ADAMTS9: variants seen among roughly 807,000 people sequenced by gnomAD.
ADAMTS9 encodes ADAM metallopeptidase with thrombospondin type 1 motif 9, also known as A disintegrin and metalloproteinase with thrombospondin motifs 9.
Under a neutral mutation model 257.1 loss-of-function variants are expected in ADAMTS9, and 107 were observed. That is an observed-to-expected ratio of 0.42 (90% confidence interval 0.36 to 0.49). The LOEUF is 0.49. Ranked by LOEUF, ADAMTS9 falls within the 20% of genes least tolerant of loss-of-function variation. The pLI, the probability that ADAMTS9 is intolerant of heterozygous loss-of-function variation, is 0.03. For missense variants in ADAMTS9, 2,353 were observed against 2,469.1 expected, an observed-to-expected ratio of 0.95 and a Z score of 1.00; for synonymous variants, 982 against 880.9, an observed-to-expected ratio of 1.11 and a Z score of -2.03.
At chr3:64,531,039 T>G (rs1386967581) in intron 38 of ADAMTS9, among the ~76,000 whole-genome samples, 1 of 152,244 alleles carries the variant, frequency 6.6e-6, no homozygotes, top group Non-Finnish European at 1.5e-5. Flanking sequence ...GCTATCTTTA[T>G]TCCTTTCAGT....
At chr3:64,683,117 G>A (rs1156268024) in intron 2 of ADAMTS9, among the ~76,000 whole-genome samples, 1 of 152,200 alleles carries the variant, frequency 6.6e-6, no homozygotes. Context: ...CTCTGCCTGT[G>A]TTCAATACAC....
chr3:64,584,031 G>A (rs1248097258), intron 28 of ADAMTS9: 1 of 152,138 alleles, frequency 6.6e-6, no homozygotes, highest in Non-Finnish European at 1.5e-5. Flanking sequence ...TGTTACGTCT[G>A]ATTCAAAGAC....
chr3:64,545,953 G>A (rs1270161296), intron 32 of ADAMTS9, among the ~76,000 whole-genome samples: 2 of 152,104 alleles, frequency 1.3e-5, no homozygotes, highest in African/African-American at 4.8e-5. Flanking sequence ...GGCTGTGACA[G>A]TCTTCCAGGG....
intron 28 of ADAMTS9, among the ~76,000 whole-genome samples, chr3:64,590,778 T>A (rs1020582264): frequency 6.6e-6 from 1 of 152,166 alleles, no homozygotes; most frequent in South Asian, 2.1e-4. Context: ...ATTATTCCAA[T>A]GCACCTAAAG....
At chr3:64,660,659 T>G (rs774934603) in intron 3 of ADAMTS9, among the ~76,000 whole-genome samples, 5 of 152,178 alleles carry the variant, frequency 3.3e-5, no homozygotes, top group Non-Finnish European at 7.4e-5. Flanking sequence ...AGATCGACTG[T>G]CAAGGTATTG....
chr3:64,635,352 G>A (rs1425258480), intron 12 of ADAMTS9, among the ~76,000 whole-genome samples: 5 of 152,192 alleles, frequency 3.3e-5, no homozygotes, highest in African/African-American at 1.2e-4. Context: ...ATGTAAAACA[G>A]AGACGATGCT....
chr3:64,569,522 C>T (rs2083625619), intron 28 of ADAMTS9, among the ~76,000 whole-genome samples: 1 of 152,216 alleles, frequency 6.6e-6, no homozygotes, highest in South Asian at 2.1e-4. Context: ...ATTTCCCCCA[C>T]TAACTTTGTG....
At chr3:64,651,402 C>A (rs1014086277) in intron 8 of ADAMTS9, among the ~76,000 whole-genome samples, 2 of 152,144 alleles carry the variant, frequency 1.3e-5, no homozygotes, top group South Asian at 2.1e-4. Flanking sequence ...TTAAAAGATG[C>A]AGGCTGGCCC....
intron 18 of ADAMTS9, 92 bp from the exon 19 acceptor site, chr3:64,621,332 G>A (rs1297929027): frequency 1.2e-5 from 16 of 1,386,352 alleles, no homozygotes; most frequent in South Asian, 2.8e-5. Context: ...TCTCTAAAGA[G>A]CCAGACAGTA....
rs541811528 is a variant in ADAMTS9 at position 64,657,372 on chromosome 3, T to C, written c.969+1130A>G. On this transcript the variant is annotated intron_variant, in intron 4 of 39. Coordinates refer to ENST00000498707, the MANE Select transcript of ADAMTS9 (RefSeq NM_182920.2). ...TTCTTTTTGAGGCAGGGTCTCACTC[T>C]GTCTCCAAGGCTGATGCACAGTGGC... 1.2e-4 allele frequency among the ~76,000 whole-genome samples: 19 copies of C among 152,356 alleles called. No homozygotes were observed. The South Asian group carries it at 3.9e-3, about 32-fold the overall frequency.
intron 28 of ADAMTS9, among the ~76,000 whole-genome samples, chr3:64,570,689 C>A (rs1369319987): frequency 1.9e-5 from 2 of 106,546 alleles, no homozygotes; most frequent in Non-Finnish European, 3.4e-5. Context: ...GAGCAAGACT[C>A]CGTCTCAAAA....
chr3:64,637,040 T>C (rs570875857), intron 12 of ADAMTS9, among the ~76,000 whole-genome samples: 85 of 152,280 alleles, frequency 5.6e-4, no homozygotes, highest in Non-Finnish European at 9.8e-4. Flanking sequence ...TCTTTCCATA[T>C]CAAAAGTTGG....
chr3:64,651,592 G>A (rs562582631), intron 8 of ADAMTS9, among the ~76,000 whole-genome samples: 68 of 152,272 alleles, frequency 4.5e-4, no homozygotes, highest in African/African-American at 1.6e-3. Flanking sequence ...AAAAACTGAA[G>A]CCAAGAGCTT....
chr3:64,517,439 T>TTTTTTTCA (rs3070295), intron 39 of ADAMTS9, among the ~76,000 whole-genome samples: 1 of 137,056 alleles, frequency 7.3e-6, no homozygotes, highest in Non-Finnish European at 1.6e-5. Flanking sequence ...TTTTTTTTTT[T>TTTTTTTCA]GCAGAAATGG....
chr3:64,563,721 G>A (rs559023624), intron 29 of ADAMTS9, among the ~76,000 whole-genome samples: 1 of 152,240 alleles, frequency 6.6e-6, no homozygotes, highest in African/African-American at 2.4e-5. Flanking sequence ...TGTCATTCTG[G>A]CTTCTGATTT....
intron 30 of ADAMTS9, among the ~76,000 whole-genome samples, chr3:64,557,200 T>C (rs2083350237): frequency 6.6e-6 from 1 of 151,984 alleles, no homozygotes; most frequent in Non-Finnish European, 1.5e-5. Context: ...GGTCTTATGA[T>C]GAAGAGGTAC....
Position 64,649,515 on chromosome 3 carries a change from C to A in ADAMTS9, c.1605+122G>T, listed in dbSNP as rs557687507. 8 of 1,153,444 alleles carry A rather than the reference C, an allele frequency of 6.9e-6. No individual in the cohort carries two copies. The East Asian group carries it at 2.0e-4, about 30-fold the overall frequency. 71.5% of individuals were successfully genotyped at this position (1,153,444 alleles called of 1,614,324 possible). On this transcript the variant is annotated intron_variant, in intron 10 of 39. Transcript: ENST00000498707. ...CATAATTATTATGATCACTAATATG[C>A]AATTTTACTCTCAGCTTTTCCTTGG...
intron 26 of ADAMTS9, among the ~76,000 whole-genome samples, chr3:64,598,934 G>A (rs769654936): frequency 2.0e-5 from 3 of 152,052 alleles, no homozygotes; most frequent in South Asian, 2.1e-4. Context: ...TTGCTACCTG[G>A]TCCAGTTAAA....
At chr3:64,615,829 G>GTAAT (rs2084751641) in intron 20 of ADAMTS9, 131 bp downstream of exon 20, 2 of 1,074,174 alleles carry the variant, frequency 1.9e-6, no homozygotes, top group Non-Finnish European at 2.8e-6. Flanking sequence ...GCTTGAATGG[G>GTAAT]GTCAGGCATT....
Sources: gnomAD v4.1 joint callset for allele counts (sites outside exome capture counted in the v4.1 genomes callset) on GRCh38, gnomAD v4.1.1 for gene constraint, MANE v1.5 for transcripts, NCBI Gene and HGNC (gene_info 2026-07-23, HGNC 2026-07-21) for gene names.